Variants in EYS observed in about 807,000 individuals in gnomAD.
EYS encodes EGF-like photoreceptor maintenance factor.
In EYS, 250 loss-of-function variants were observed where a neutral mutation model predicts 282.1. The ratio of observed to expected loss-of-function variants is 0.89; its 90% CI spans 0.80 to 0.98. The LOEUF (loss-of-function observed/expected upper bound fraction) is 0.98. EYS is among the 50% of genes least tolerant of loss of function. EYS has a pLI of 0.00. For missense variants in EYS, 4,016 were observed against 3,709.0 expected (o/e 1.08, Z -2.15); for synonymous variants, 1,355 against 1,282.9 (o/e 1.06, Z -1.20).
chr6:65,298,700 C>T (rs1415371453), intron 11 of EYS, among the ~76,000 whole-genome samples: 3 of 151,174 alleles, frequency 2.0e-5, no homozygotes, highest in South Asian at 2.1e-4. Context: ...AACCTACCTA[C>T]AATACAAACC....
At chr6:63,951,585 C>A (rs1343172389) in intron 35 of EYS, among the ~76,000 whole-genome samples, 2 of 152,110 alleles carry the variant, frequency 1.3e-5, no homozygotes, top group Non-Finnish European at 2.9e-5. Context: ...CACTCCCCAC[C>A]AGGCTGAATC....
At chr6:64,825,819 T>C (rs746273450) in intron 19 of EYS, among the ~76,000 whole-genome samples, 13 of 151,928 alleles carry the variant, frequency 8.6e-5, no homozygotes, top group Admixed American at 2.0e-4. Context: ...ATTACCAACC[T>C]ATTCAAACTC....
chr6:64,601,585 T>C (rs1766762901), intron 24 of EYS, among the ~76,000 whole-genome samples: 1 of 152,124 alleles, frequency 6.6e-6, no homozygotes, highest in African/African-American at 2.4e-5. Flanking sequence ...TATCAAACCA[T>C]CATTATCTTT....
intron 5 of EYS, among the ~76,000 whole-genome samples, chr6:65,455,745 T>G (rs1764580277): frequency 6.6e-6 from 1 of 151,992 alleles, no homozygotes; most frequent in Non-Finnish European, 1.5e-5. Flanking sequence ...GTAAGAAAAT[T>G]GAATCGGTAA....
chr6:64,918,507 A>G (rs758842721), intron 15 of EYS, among the ~76,000 whole-genome samples: 1 of 152,212 alleles, frequency 6.6e-6, no homozygotes, highest in Non-Finnish European at 1.5e-5. Context: ...GTTATCCAGT[A>G]GATGGATTAA....
intron 12 of EYS, among the ~76,000 whole-genome samples, chr6:65,263,703 CTGTGTGTGTG>C (rs3042394): frequency 5.0e-5 from 7 of 141,316 alleles, no homozygotes; most frequent in East Asian, 2.1e-4. Context: ...CAAGGCAAAG[CTGTGTGTGTG>C]TGTGTGTGTG....
intron 22 of EYS, among the ~76,000 whole-genome samples, chr6:64,709,754 A>T (rs1771146253): frequency 6.6e-6 from 1 of 152,254 alleles, no homozygotes; most frequent in African/African-American, 2.4e-5. Context: ...CATTGTTCTC[A>T]TTACAATGTA....
intron 22 of EYS, among the ~76,000 whole-genome samples, chr6:64,643,118 C>T (rs1369097318): frequency 2.5e-5 from 3 of 118,892 alleles, no homozygotes; most frequent in African/African-American, 1.0e-4. Context: ...TCCATCCCCC[C>T]CCCCAAAAAA....
At chr6:64,420,478 TG>T (rs1774195659) in intron 28 of EYS, among the ~76,000 whole-genome samples, 1 of 151,622 alleles carries the variant, frequency 6.6e-6, no homozygotes, top group Admixed American at 6.6e-5. Context: ...CCCCAGAAAA[TG>T]GGTTTTGGTT....
At chr6:64,414,595 G>A (rs1312173209) in intron 28 of EYS, among the ~76,000 whole-genome samples, 1 of 152,098 alleles carries the variant, frequency 6.6e-6, no homozygotes, top group Non-Finnish European at 1.5e-5. Context: ...GTTAAAAAAA[G>A]ATAAGCATAA....
chr6:64,904,299 T>A (rs1276437732), intron 16 of EYS, among the ~76,000 whole-genome samples: 1 of 152,212 alleles, frequency 6.6e-6, no homozygotes, highest in Admixed American at 6.5e-5. Flanking sequence ...ATCTCTGAAG[T>A]TACATTTTTG....
At chr6:65,689,311 G>A (rs1167428251) in intron 1 of EYS, among the ~76,000 whole-genome samples, 2 of 149,906 alleles carry the variant, frequency 1.3e-5, no homozygotes, top group African/African-American at 2.4e-5. Flanking sequence ...ACTCATAGGT[G>A]GGAATTGAAC....
chr6:63,820,465 A>G (rs1323773191), intron 36 of EYS, among the ~76,000 whole-genome samples: 1 of 152,210 alleles, frequency 6.6e-6, no homozygotes, highest in African/African-American at 2.4e-5. Context: ...AAAATTGTCC[A>G]AATGTTTTCT....
intron 22 of EYS, among the ~76,000 whole-genome samples, chr6:64,661,762 G>A (rs572129999): frequency 7.8e-4 from 106 of 136,628 alleles, no homozygotes; most frequent in Non-Finnish European, 1.0e-3. Context: ...TGGAGAAATA[G>A]GAACACTTTT....
chr6:64,019,867 T>TATATAAGTATATATATATATAC (rs1562154655), intron 33 of EYS, among the ~76,000 whole-genome samples: 7 of 145,372 alleles, frequency 4.8e-5, no homozygotes, highest in East Asian at 2.0e-4. Flanking sequence ...TATATATATA[T>TATATAAGTATATATATATATAC]ACTTACATAT....
intron 22 of EYS, among the ~76,000 whole-genome samples, chr6:64,737,194 A>G (rs1000569922): frequency 6.6e-6 from 1 of 152,196 alleles, no homozygotes; most frequent in Middle Eastern, 3.2e-3. Context: ...AAGTTTCTGG[A>G]TGTGCATCTT....
chr6:64,494,961 G>A (rs765527843), intron 26 of EYS, among the ~76,000 whole-genome samples: 22 of 151,358 alleles, frequency 1.5e-4, no homozygotes, highest in Non-Finnish European at 3.0e-4. Context: ...ATTATAAATA[G>A]GTACCACTCT....
At chr6:63,862,945 T>C (rs1241916429) in intron 36 of EYS, among the ~76,000 whole-genome samples, 1 of 152,232 alleles carries the variant, frequency 6.6e-6, no homozygotes. Context: ...GACCCATGTA[T>C]CCGAAACTTC....
chr6:65,414,125 A>G (rs1767135655), intron 5 of EYS, among the ~76,000 whole-genome samples: 1 of 152,162 alleles, frequency 6.6e-6, no homozygotes, highest in South Asian at 2.1e-4. Context: ...TAAAGAGCAT[A>G]TCAACAGAGA....
Sources: gnomAD v4.1 joint callset for allele counts (sites outside exome capture counted in the v4.1 genomes callset) on GRCh38, gnomAD v4.1.1 for gene constraint, MANE v1.5 for transcripts, NCBI Gene and HGNC (gene_info 2026-07-23, HGNC 2026-07-21) for gene names.